SHB: variants seen among roughly 807,000 people sequenced by gnomAD.
SHB encodes the protein SH2 domain containing adaptor protein B, also known as SH2 domain-containing adapter protein B.
Under a neutral mutation model 52.3 loss-of-function variants are expected in SHB, and 20 were observed. That is an observed-to-expected ratio of 0.38 (90% CI 0.27 to 0.56). The LOEUF (loss-of-function observed/expected upper bound fraction) is 0.56. Among genes scored for constraint, SHB ranks in the 20% least tolerant of loss-of-function variants. SHB has a pLI of 0.71. For synonymous variants in SHB, 397 were observed against 316.5 expected (o/e 1.25, Z -2.70); for missense variants, 825 against 723.3 (o/e 1.14, Z -1.61).
chr9:37,984,922 A>T (rs1406756065), intron 2 of SHB, among the ~76,000 whole-genome samples: 1 of 152,166 alleles, frequency 6.6e-6, no homozygotes, highest in Non-Finnish European at 1.5e-5. Flanking sequence ...CGGCAAGGGC[A>T]AGGCAGGGCA....
chr9:37,956,908 TGTGGAAG>T (rs2117917082), intron 3 of SHB, among the ~76,000 whole-genome samples: 1 of 152,326 alleles, frequency 6.6e-6, no homozygotes, highest in East Asian at 1.9e-4. Flanking sequence ...TGCCTGTACC[TGTGGAAG>T]GTAGTCTGTG....
chr9:38,039,837 C>A (rs1267245507), intron 1 of SHB, among the ~76,000 whole-genome samples: 3 of 152,244 alleles, frequency 2.0e-5, no homozygotes, highest in African/African-American at 7.2e-5. Flanking sequence ...GGGCAACTTG[C>A]AGCTGGAGCT....
intron 1 of SHB, among the ~76,000 whole-genome samples, chr9:38,034,505 G>C (rs1176617911): frequency 6.6e-6 from 1 of 152,190 alleles, no homozygotes; most frequent in Non-Finnish European, 1.5e-5. Context: ...GTTATACTTT[G>C]AATAGCTCTG....
chr9:37,999,701 G>A (rs1820989942), intron 2 of SHB, among the ~76,000 whole-genome samples: 1 of 152,168 alleles, frequency 6.6e-6, no homozygotes, highest in Admixed American at 6.5e-5. Flanking sequence ...CTGTGTTCTG[G>A]GAGATTGTGT....
At chr9:37,959,645 T>C (rs1564088576) in intron 3 of SHB, among the ~76,000 whole-genome samples, 3 of 152,120 alleles carry the variant, frequency 2.0e-5, no homozygotes, top group Admixed American at 1.3e-4. Flanking sequence ...CAGAACATGA[T>C]TGTGGAGGGA....
Position 37,974,846 on chromosome 9 carries a change from A to G in SHB, c.839-9T>C. On this transcript the variant is annotated splice_polypyrimidine_tract_variant and intron_variant, in intron 2 of 5. Coordinates refer to ENST00000377707, the MANE Select transcript of SHB (RefSeq NM_003028.3). The stretch of plus-strand genomic sequence containing the variant: ...TTCCTGCCTCTGAAATTCTGCAGGC[A>G]AAAAGGAAGGAAGCAGAGATGAAAT... 6.2e-7 allele frequency: 1 copy of G among 1,610,568 alleles called. No individual in the cohort carries two copies. Among genetic ancestry groups the G allele is most frequent in the African/African-American group, 1.3e-5 (1 of 74,960 alleles).
chr9:37,990,724 G>A (rs1212661183), intron 2 of SHB, among the ~76,000 whole-genome samples: 1 of 152,162 alleles, frequency 6.6e-6, no homozygotes, highest in African/African-American at 2.4e-5. Flanking sequence ...GCTACAGAAT[G>A]AAGGGAGCCC....
chr9:38,009,365 C>T (rs752964302), intron 2 of SHB, among the ~76,000 whole-genome samples: 1 of 152,222 alleles, frequency 6.6e-6, no homozygotes, highest in Non-Finnish European at 1.5e-5. Context: ...TGGAGAAGCC[C>T]AGTGTGACCG....
chr9:37,966,806 G>A (rs960900491), intron 3 of SHB, among the ~76,000 whole-genome samples: 1 of 152,144 alleles, frequency 6.6e-6, no homozygotes, highest in African/African-American at 2.4e-5. Flanking sequence ...TTTATTCTGA[G>A]CACGTGAAGA....
intron 3 of SHB, among the ~76,000 whole-genome samples, chr9:37,966,318 C>CA (rs1353271240): frequency 1.3e-5 from 2 of 152,188 alleles, no homozygotes; most frequent in East Asian, 3.9e-4. Context: ...ACTGAGGAGA[C>CA]AAAGGCACTT....
chr9:38,037,148 C>T (rs954571242), intron 1 of SHB, among the ~76,000 whole-genome samples: 3 of 152,146 alleles, frequency 2.0e-5, no homozygotes, highest in Admixed American at 6.5e-5. Flanking sequence ...CCTCTTTTCC[C>T]GGAGAAGAAT....
chr9:38,025,027 C>T (rs1292965537), intron 1 of SHB, among the ~76,000 whole-genome samples: 1 of 152,204 alleles, frequency 6.6e-6, no homozygotes, highest in Admixed American at 6.5e-5. Context: ...ATGCCAGGAC[C>T]AGGTAACCCA....
At chr9:37,983,435 C>T (rs1820763450) in intron 2 of SHB, among the ~76,000 whole-genome samples, 1 of 152,170 alleles carries the variant, frequency 6.6e-6, no homozygotes, top group South Asian at 2.1e-4. Flanking sequence ...AAAAGTACTG[C>T]ATGGCAGCAC....
intron 1 of SHB, among the ~76,000 whole-genome samples, chr9:38,043,093 C>G (rs1226401716): frequency 1.3e-5 from 2 of 152,192 alleles, no homozygotes; most frequent in East Asian, 3.8e-4. Flanking sequence ...TCTTCCCCTA[C>G]CCAGTGTTCA....
intron 3 of SHB, among the ~76,000 whole-genome samples, chr9:37,968,802 A>G (rs1055219043): frequency 2.0e-5 from 3 of 152,206 alleles, no homozygotes; most frequent in Non-Finnish European, 4.4e-5. Flanking sequence ...TCCTCTATGT[A>G]TGGCCTGACT....
chr9:38,024,737 C>G (rs547465416), intron 1 of SHB, among the ~76,000 whole-genome samples: 2 of 152,172 alleles, frequency 1.3e-5, no homozygotes, highest in South Asian at 2.1e-4. Context: ...TACCTCAATC[C>G]TAGAATTTCT....
chr9:37,966,507 G>A (rs1028891850), intron 3 of SHB, among the ~76,000 whole-genome samples: 3 of 152,130 alleles, frequency 2.0e-5, no homozygotes, highest in East Asian at 1.9e-4. Flanking sequence ...AGTGATCCCC[G>A]TTCTCTCACT....
intron 2 of SHB, among the ~76,000 whole-genome samples, chr9:38,008,130 C>T (rs1387303304): frequency 2.6e-5 from 4 of 152,216 alleles, no homozygotes; most frequent in East Asian, 1.9e-4. Context: ...CAGCCCACAG[C>T]GGGGGTGCTA....
At chr9:37,957,174 T>C (rs1832645710) in intron 3 of SHB, among the ~76,000 whole-genome samples, 1 of 152,204 alleles carries the variant, frequency 6.6e-6, no homozygotes, top group Admixed American at 6.5e-5. Flanking sequence ...GGAAGGTTCC[T>C]GAAGCCGAGG....
Sources: gnomAD v4.1 joint callset for allele counts (sites outside exome capture counted in the v4.1 genomes callset) on GRCh38, gnomAD v4.1.1 for gene constraint, MANE v1.5 for transcripts, NCBI Gene and HGNC (gene_info 2026-07-23, HGNC 2026-07-21) for gene names.